WASHC2C: variants seen among roughly 807,000 people sequenced by gnomAD.
WASHC2C encodes Vaccinia Penetration Factor.
In WASHC2C, 73 loss-of-function variants were observed where a neutral mutation model predicts 142.2. The observed-to-expected ratio is 0.51, with a 90% CI of 0.43 to 0.62. The LOEUF is 0.62. Ranked by LOEUF, WASHC2C falls within the 20% of genes least tolerant of loss-of-function variation. The pLI is 0.00. For missense variants in WASHC2C, 969 were observed against 1,531.7 expected, an observed-to-expected ratio of 0.63 and a Z score of 6.13; for synonymous variants, 337 against 565.5, an observed-to-expected ratio of 0.60 and a Z score of 5.73.
chr10:45,780,582 C>A (rs536125975), intron 23 of WASHC2C, among the ~76,000 whole-genome samples: 5 of 152,278 alleles, frequency 3.3e-5, no homozygotes, highest in African/African-American at 7.2e-5. Context: ...TCTGTATTTG[C>A]AGATGGCATG....
intron 16 of WASHC2C, 121 bp downstream of exon 16, chr10:45,757,260 A>G (rs1381066399): frequency 6.8e-7 from 1 of 1,464,462 alleles, no homozygotes; most frequent in African/African-American, 1.4e-5. Flanking sequence ...TCAAACAGAA[A>G]GTGGAAAGAA....
Position 45,746,569 on chromosome 10 carries a change from T to C in WASHC2C, c.685-31T>C, listed in dbSNP as rs2052860952. ...TTCTGTGCTTCTAAGTAAAGCCCAT[T>C]TAACAACAAAGCCTTTTCTTACCCA... On this transcript the variant is annotated intron_variant, in intron 7 of 30. Transcript: ENST00000623400. 1.9e-6 allele frequency: 3 copies of C among 1,612,028 alleles called. No individual in the cohort carries two copies. In the South Asian group the frequency reaches 3.3e-5, roughly 18 times the overall value.
At chr10:45,728,708 G>A (rs1218661545) in intron 2 of WASHC2C, among the ~76,000 whole-genome samples, 154 bp from the exon 3 acceptor site, 2 of 151,148 alleles carry the variant, frequency 1.3e-5, no homozygotes, top group African/African-American at 2.4e-5. Flanking sequence ...TCCAGCCCAG[G>A]CAACAGAGTG....
intron 23 of WASHC2C, among the ~76,000 whole-genome samples, chr10:45,784,252 GTATATA>G (rs71225139): frequency 0.011 from 445 of 40,696 alleles, 12 homozygotes; most frequent in African/African-American, 0.031. Context: ...GTGTGTGTGT[GTATATA>G]TATATATATA....
rs143180802 is a variant in WASHC2C at position 45,746,595 on chromosome 10, T to C, written c.685-5T>C. ...TAACAACAAAGCCTTTTCTTACCCA[T>C]AAAGGAGTCAGATGAAGATTTTGCC... On this transcript the variant is annotated splice_region_variant and splice_polypyrimidine_tract_variant and intron_variant, in intron 7 of 30. Transcript: ENST00000623400. 0.015 allele frequency: 24,536 copies of C among 1,613,406 alleles called. 302 individuals carry two copies. Among genetic ancestry groups the C allele is most frequent in the South Asian group, 0.032 (2,939 of 91,070 alleles).
Position 45,786,609 on chromosome 10 carries a change from C to T in WASHC2C, c.2812-3C>T, listed in dbSNP as rs1554890174. On this transcript the variant is annotated splice_polypyrimidine_tract_variant and splice_region_variant and intron_variant, in intron 26 of 30. Transcript: ENST00000623400. ...ATTTTTAACTGGATGTAATCTTACA[C>T]AGGACTCATCAGGTCTCGCTCCATT... 2 of 1,611,238 alleles carry T rather than the reference C, an allele frequency of 1.2e-6. No homozygotes were observed. Among genetic ancestry groups the T allele is most frequent in the Non-Finnish European group, 1.7e-6 (2 of 1,179,272 alleles).
intron 3 of WASHC2C, among the ~76,000 whole-genome samples, chr10:45,736,275 A>G (rs1287992477): frequency 6.6e-6 from 1 of 151,530 alleles, no homozygotes; most frequent in African/African-American, 2.4e-5. Context: ...GCATGGTGGC[A>G]GGCACCTGTA....
Position 45,789,454 on chromosome 10 carries a change from A to C in WASHC2C, c.3671A>C (p.Gln1224Pro). Residue 1224 changes from glutamine (Q) to proline (P), a missense_variant, in exon 29 of 31, where the codon CAG becomes CCG. Transcript: ENST00000623400. ...VKKNETKSSS[Q>P]QDVILTTQDI... ...AAGAATGAGACAAAATCCAGTAGTC[A>C]GCAGGATGTCATATTAACAACACAA... The C allele has an allele frequency of 1.2e-6, 2 of 1,612,098 alleles. No individual in the cohort carries two copies. Among genetic ancestry groups the C allele is most frequent in the Middle Eastern group, 4.5e-4 (2 of 4,430 alleles).
intron 3 of WASHC2C, among the ~76,000 whole-genome samples, chr10:45,732,297 G>A (rs1217752910): frequency 7.9e-5 from 12 of 152,124 alleles, no homozygotes; most frequent in Admixed American, 3.3e-4. Flanking sequence ...GAAACAATCC[G>A]TACTTTCTAG....
intron 23 of WASHC2C, among the ~76,000 whole-genome samples, chr10:45,779,353 T>A (rs2057324363): frequency 6.8e-6 from 1 of 147,078 alleles, no homozygotes; most frequent in South Asian, 2.1e-4. Context: ...CACCCCCCTC[T>A]TCTGGGATTT....
intron 14 of WASHC2C, 140 bp from the exon 15 acceptor site, chr10:45,754,796 G>A (rs2054036438): frequency 5.9e-6 from 8 of 1,359,906 alleles, no homozygotes; most frequent in Middle Eastern, 2.6e-4. Context: ...AGCAGTAATG[G>A]ATGGAGGCTA....
At chr10:45,762,741 T>C (rs1369498153) in intron 17 of WASHC2C, among the ~76,000 whole-genome samples, 2 of 151,894 alleles carry the variant, frequency 1.3e-5, no homozygotes, top group Non-Finnish European at 2.9e-5. Flanking sequence ...CCGTCTCTAC[T>C]AAAAATACAA....
At position 45,752,611 on chromosome 10, in the gene WASHC2C, C is replaced by A. The variant is rs782240268; in HGVS notation, c.1027C>A (p.Pro343Thr). 2.5e-6 allele frequency: 4 copies of A among 1,609,168 alleles called. No homozygotes were observed. The highest frequency in any genetic ancestry group is 2.7e-5 in the African/African-American group (2 of 74,146). The part of the protein sequence containing the change: ...SDDEEDNLFA[P>T]PKLTDEDFSP... ...AGATGAAGAGGATAACTTATTCGCA[C>A]CCCCCAAGCTGACCGACGAGGACTT... is the stretch of plus-strand genomic sequence containing the variant. Residue 343 changes from proline to threonine, a missense_variant, in exon 12 of 31, where the codon CCC becomes ACC. Physicochemically the swap from Pro to Thr is conservative, Grantham distance 38. Coordinates refer to ENST00000623400, the MANE Select transcript of WASHC2C (RefSeq NM_001330074.2).
At chr10:45,743,120 AC>A in intron 5 of WASHC2C, among the ~76,000 whole-genome samples, 1 of 150,796 alleles carries the variant, frequency 6.6e-6, no homozygotes, top group Non-Finnish European at 1.5e-5. Context: ...CAAGTGATCC[AC>A]CCGCCTTGGC....
At chr10:45,765,518 G>T (rs1368947425) in intron 18 of WASHC2C, among the ~76,000 whole-genome samples, 161 bp from the exon 19 acceptor site, 5 of 149,358 alleles carry the variant, frequency 3.3e-5, no homozygotes, top group African/African-American at 5.0e-5. Context: ...GTGAGAAAAG[G>T]CTGTAGTTTG....
intron 3 of WASHC2C, among the ~76,000 whole-genome samples, chr10:45,731,793 C>CTTT (rs782728565): frequency 0.027 from 2,996 of 109,826 alleles, 173 homozygotes; most frequent in East Asian, 0.037. Context: ...AGTGATCTGG[C>CTTT]TTTTTTTTTT....
rs2058445256 is a variant in WASHC2C, at chr10:45,792,521, T to G, written c.*121T>G. ...AAATACTAGAACAGCTAGCTCATCT[T>G]TTACCCAATGTACTTAGTATTTTTC... is the stretch of plus-strand genomic sequence containing the variant. On this transcript the variant is annotated 3_prime_UTR_variant, in exon 31 of 31. Transcript: ENST00000623400. 2 of 1,445,496 alleles carry G rather than the reference T, an allele frequency of 1.4e-6. No individual in the cohort carries two copies. The highest frequency in any genetic ancestry group is 2.2e-5 in the Admixed American group (1 of 45,470). 89.5% of individuals were successfully genotyped at this position (1,445,496 alleles called of 1,614,324 possible). A position where few individuals can be genotyped will look rare whatever the true frequency, so the allele number is the denominator to read the frequency against.
intron 2 of WASHC2C, among the ~76,000 whole-genome samples, chr10:45,728,154 G>T (rs2050118077): frequency 6.6e-6 from 1 of 152,072 alleles, no homozygotes. Flanking sequence ...GTCCTGAGTA[G>T]CTGGGACTAT....
intron 17 of WASHC2C, 42 bp downstream of exon 17, chr10:45,759,443 A>G (rs1554879162): frequency 3.6e-6 from 5 of 1,403,098 alleles, no homozygotes; most frequent in East Asian, 2.3e-5. Context: ...TAGTCTATGG[A>G]TATGACATAG....
Sources: gnomAD v4.1 joint callset for allele counts (sites outside exome capture counted in the v4.1 genomes callset) on GRCh38, gnomAD v4.1.1 for gene constraint, MANE v1.5 for transcripts, NCBI Gene and HGNC (gene_info 2026-07-23, HGNC 2026-07-21) for gene names.